DHX57: variants seen among roughly 807,000 people sequenced by gnomAD.
The protein encoded by DHX57 is DExH-box helicase 57.
In DHX57, 105 loss-of-function variants were observed where a neutral mutation model predicts 156.2. The observed-to-expected ratio is 0.67, with a 90% confidence interval of 0.57 to 0.79. The LOEUF is 0.79. Among genes scored for constraint, DHX57 ranks in the 30% least tolerant of loss-of-function variants. DHX57 has a pLI of 0.00. For missense variants in DHX57, 1,847 were observed against 1,661.9 expected (o/e 1.11, Z -1.94); for synonymous variants, 704 against 595.6 (o/e 1.18, Z -2.65).
In DHX57 at chr2:38,855,261, T is replaced by G. The variant is rs1294432856; in HGVS notation, c.1710-9A>C. ...GTGTGGTTTTCCCACATCTGTACAT[T>G]AAAACAAATAAGTCCTAAAATGAAG... On this transcript the variant is annotated splice_polypyrimidine_tract_variant and intron_variant, in intron 7 of 23. Transcript: ENST00000457308. 3 of 1,613,980 alleles carry G rather than the reference T, an allele frequency of 1.9e-6. No homozygotes were observed. The highest frequency in any genetic ancestry group is 1.7e-6 in the Non-Finnish European group (2 of 1,179,862).
intron 16 of DHX57, among the ~76,000 whole-genome samples, chr2:38,823,766 C>G (rs995563265): frequency 1.3e-5 from 2 of 152,188 alleles, no homozygotes; most frequent in Admixed American, 6.5e-5. Context: ...AATCCTAGCA[C>G]TTTGGGAGGC....
At position 38,803,065 on chromosome 2, in the gene DHX57, A is replaced by G. The variant is rs375792541; in HGVS notation, c.3817-150T>C. The G allele has an allele frequency of 5.7e-6, 4 of 703,940 alleles. No homozygotes were observed. In the East Asian group the frequency reaches 8.1e-5, roughly 14 times the overall value. 43.6% of individuals were successfully genotyped at this position (703,940 alleles called of 1,614,324 possible). On this transcript the variant is annotated intron_variant, in intron 22 of 23. Transcript: ENST00000457308. ...CTTTCCTGAGCTCCAGATCTGCAGT[A>G]TAACTATTGACTTGCCATCTCCTCT...
intron 13 of DHX57, among the ~76,000 whole-genome samples, chr2:38,829,328 C>G (rs1455879641): frequency 6.7e-6 from 1 of 148,252 alleles, no homozygotes; most frequent in African/African-American, 2.5e-5. Context: ...GTTGCCCAGG[C>G]TGAAGTGCAA....
At chr2:38,855,390 C>T in intron 7 of DHX57, 138 bp from the exon 8 acceptor site, 1 of 901,266 alleles carries the variant, frequency 1.1e-6, no homozygotes, top group Non-Finnish European at 1.8e-6. Flanking sequence ...TCTAAAACAA[C>T]CTCCTGACTT....
At chr2:38,839,557 CAAA>C (rs10708087) in intron 12 of DHX57, among the ~76,000 whole-genome samples, 1 of 141,004 alleles carries the variant, frequency 7.1e-6, no homozygotes. Context: ...ACTAAAAATA[CAAA>C]AAAAAAAAAA....
chr2:38,835,308 T>C (rs1037634438), intron 13 of DHX57, among the ~76,000 whole-genome samples: 3 of 152,140 alleles, frequency 2.0e-5, no homozygotes, highest in Non-Finnish European at 4.4e-5. Flanking sequence ...TGTGCAAATG[T>C]AGTTGGGTTC....
intron 21 of DHX57, among the ~76,000 whole-genome samples, chr2:38,809,758 C>G (rs111416486): frequency 3.3e-5 from 5 of 151,766 alleles, no homozygotes; most frequent in South Asian, 2.1e-4. Flanking sequence ...CCACCGCACT[C>G]GGCCTTCTTT....
rs552752008 is a variant in DHX57, at chr2:38,810,514, C to T, written c.3681+3307G>A. ...TTGATGTTGATGAGACTGGTGTCACCGACTGGCTGGCTCATCATTGCCCTC... is the reference window on the plus strand; with the variant it reads ...TTGATGTTGATGAGACTGGTGTCACTGACTGGCTGGCTCATCATTGCCCTC... On this transcript the variant is annotated intron_variant, in intron 21 of 23. Coordinates refer to ENST00000457308, the MANE Select transcript of DHX57 (RefSeq NM_198963.3). 122 of 556,972 alleles carry T rather than the reference C, an allele frequency of 2.2e-4. 1 individual carries two copies. Among genetic ancestry groups the T allele is most frequent in the Middle Eastern group, 5.8e-4 (1 of 1,728 alleles). 34.5% of individuals were successfully genotyped at this position (556,972 alleles called of 1,614,324 possible).
intron 20 of DHX57, among the ~76,000 whole-genome samples, chr2:38,814,533 A>T (rs902597752): frequency 6.6e-6 from 1 of 152,196 alleles, no homozygotes; most frequent in Non-Finnish European, 1.5e-5. Flanking sequence ...CTGCACTCGG[A>T]ACACAGGAGC....
chr2:38,804,561 A>G (rs994831892), intron 22 of DHX57, among the ~76,000 whole-genome samples: 1 of 152,088 alleles, frequency 6.6e-6, no homozygotes, highest in Non-Finnish European at 1.5e-5. Flanking sequence ...AAACCCTCCA[A>G]TGGTGTCCAA....
intron 12 of DHX57, among the ~76,000 whole-genome samples, chr2:38,842,696 T>C (rs1372495628): frequency 6.6e-6 from 1 of 152,176 alleles, no homozygotes; most frequent in Non-Finnish European, 1.5e-5. Context: ...TCCATAAATT[T>C]GAAATCACAT....
chr2:38,805,157 A>G (rs1669880616), intron 22 of DHX57, among the ~76,000 whole-genome samples: 1 of 152,172 alleles, frequency 6.6e-6, no homozygotes, highest in African/African-American at 2.4e-5. Flanking sequence ...CAAAAAGTAT[A>G]TATAAAAAAG....
At chr2:38,847,973 CT>C (rs1672378079) in intron 10 of DHX57, among the ~76,000 whole-genome samples, 1 of 151,902 alleles carries the variant, frequency 6.6e-6, no homozygotes, top group Non-Finnish European at 1.5e-5. Flanking sequence ...GTCCCAGCTA[CT>C]CGGGAGGCTG....
chr2:38,833,388 C>T (rs1303068498), intron 13 of DHX57, among the ~76,000 whole-genome samples: 2 of 152,156 alleles, frequency 1.3e-5, no homozygotes, highest in African/African-American at 4.8e-5. Flanking sequence ...GGTGATCCGC[C>T]TGCCTCGGCC....
chr2:38,811,028 G>T, intron 21 of DHX57: 1 of 689,790 alleles, frequency 1.4e-6, no homozygotes, highest in Non-Finnish European at 2.7e-6. Flanking sequence ...GGTGTTGGGG[G>T]CTTTGGCCAG....
intron 4 of DHX57, 107 bp from the exon 5 acceptor site, chr2:38,861,944 C>T: frequency 7.7e-7 from 1 of 1,302,864 alleles, no homozygotes; most frequent in Non-Finnish European, 1.0e-6. Context: ...TACACATAGG[C>T]AGGGCTTGTA....
chr2:38,846,183 G>C (rs756277137), intron 11 of DHX57, among the ~76,000 whole-genome samples: 5 of 152,172 alleles, frequency 3.3e-5, no homozygotes, highest in Non-Finnish European at 5.9e-5. Flanking sequence ...GCTAACATTT[G>C]AGAGCATGCA....
intron 1 of DHX57, among the ~76,000 whole-genome samples, chr2:38,872,910 C>T (rs951393675): frequency 6.6e-6 from 1 of 152,132 alleles, no homozygotes; most frequent in African/African-American, 2.4e-5. Context: ...CACCCAACAA[C>T]GAACTATACA....
intron 16 of DHX57, among the ~76,000 whole-genome samples, chr2:38,825,107 G>A (rs181927127): frequency 2.6e-5 from 4 of 152,054 alleles, no homozygotes; most frequent in Admixed American, 2.6e-4. Context: ...AGAGAAAAGT[G>A]CAACATAAAC....
Sources: allele counts gnomAD v4.1 joint callset (sites outside exome capture counted in the v4.1 genomes callset), GRCh38; gene constraint gnomAD v4.1.1; transcripts MANE v1.5; gene names NCBI Gene and HGNC (gene_info 2026-07-23, HGNC 2026-07-21).